Variants in WFDC8 observed in about 807,000 individuals in gnomAD.
WFDC8 encodes WAP four-disulfide core domain protein 8.
A neutral mutation model predicts 27.0 loss-of-function variants in WFDC8; 24 were observed. The ratio of observed to expected loss-of-function variants is 0.89; its 90% CI spans 0.64 to 1.25. The LOEUF is 1.25. Ranked by LOEUF, WFDC8 falls within the 50% of genes most tolerant of loss-of-function variation. The pLI is 0.00. For synonymous variants in WFDC8, 106 were observed against 99.7 expected (o/e 1.06, Z -0.38); for missense variants, 287 against 295.9 (o/e 0.97, Z 0.22).
chr20:45,570,825 G>A (rs1002353910), intron 1 of WFDC8, among the ~76,000 whole-genome samples: 6 of 152,190 alleles, frequency 3.9e-5, no homozygotes, highest in African/African-American at 7.2e-5. Flanking sequence ...ACCTGTTAGC[G>A]TTTGGTATTG....
intron 1 of WFDC8, among the ~76,000 whole-genome samples, chr20:45,566,373 T>G (rs1980676376): frequency 6.6e-6 from 1 of 152,158 alleles, no homozygotes; most frequent in African/African-American, 2.4e-5. Context: ...ATCAATAACA[T>G]ATTGCTAGCC....
intron 5 of WFDC8, among the ~76,000 whole-genome samples, chr20:45,552,678 C>T (rs758661101): frequency 1.3e-5 from 2 of 152,048 alleles, no homozygotes; most frequent in Non-Finnish European, 2.9e-5. Context: ...AAACACCTGC[C>T]TTAGAGGAGG....
intron 1 of WFDC8, among the ~76,000 whole-genome samples, chr20:45,571,079 T>G (rs1980850861): frequency 6.6e-6 from 1 of 152,024 alleles, no homozygotes. Flanking sequence ...TTGAACCTAC[T>G]TTAAAAAAAA....
At chr20:45,560,229 G>A (rs1006802988) in intron 2 of WFDC8, among the ~76,000 whole-genome samples, 1 of 152,170 alleles carries the variant, frequency 6.6e-6, no homozygotes. Context: ...CAAGTGCCAA[G>A]GAATAAGGGT....
intron 1 of WFDC8, 147 bp downstream of exon 1, chr20:45,579,075 A>G (rs770147529): frequency 4.0e-5 from 30 of 752,150 alleles, no homozygotes; most frequent in Non-Finnish European, 6.2e-5. Flanking sequence ...TCCTGACACA[A>G]GACAGCTCTG....
rs1398207487 is a variant in WFDC8 at position 45,562,165 on chromosome 20, C to A, written c.81G>T (p.Leu27=). ...TCCACTCCAAAGCAAGGGAGAGAAG[C>A]AGCAGGAAAGCTACATTCCTCCAGG... is the stretch of plus-strand genomic sequence containing the variant. The part of the protein sequence containing the change: ...TFSWRNVAFL[L]LLSLALEWTS... Residue 27 remains leucine (L), a synonymous_variant, in exon 2 of 6, where the codon CTG becomes CTT. Transcript: ENST00000289953. The A allele has an allele frequency of 5.6e-6, 9 of 1,614,030 alleles. No individual in the cohort carries two copies. The highest frequency in any genetic ancestry group is 6.8e-6 in the Non-Finnish European group (8 of 1,180,024).
At chr20:45,566,286 G>A (rs1219133233) in intron 1 of WFDC8, among the ~76,000 whole-genome samples, 1 of 152,076 alleles carries the variant, frequency 6.6e-6, no homozygotes, top group Non-Finnish European at 1.5e-5. Flanking sequence ...GTTTAATCAA[G>A]CTATTGATTA....
Position 45,552,149 on chromosome 20 carries a change from G to A in WFDC8, c.603C>T (p.Cys201=), listed in dbSNP as rs1255538125. The change falls in exon 6 of 6, where the codon TGC becomes TGT. Residue 201 remains cysteine (C), a synonymous_variant. Transcript: ENST00000289953. The part of the protein sequence containing the change: ...ARAWTVKKGF[C]PRKPLLCTKI... ...TGGTACATAGCAAGGGCTTGCGTGG[G>A]CAGAAACCTTTTTTGACTTTATGGG... The A allele has an allele frequency of 6.2e-7, 1 of 1,613,712 alleles. No individual in the cohort carries two copies. The highest frequency in any genetic ancestry group is 8.5e-7 in the Non-Finnish European group (1 of 1,179,890).
chr20:45,560,401 A>T (rs1197486925), intron 2 of WFDC8, among the ~76,000 whole-genome samples: 1 of 152,210 alleles, frequency 6.6e-6, no homozygotes, highest in Non-Finnish European at 1.5e-5. Flanking sequence ...CGGAGCAAAG[A>T]ACCCAGATGC....
rs554371720 is a variant in WFDC8, at chr20:45,576,868, C to T, written c.26+2354G>A. Among the ~76,000 whole-genome samples, 4 of 151,492 alleles carry T rather than the reference C, an allele frequency of 2.6e-5. 2 individuals carry two copies. The highest frequency in any genetic ancestry group is 1.3e-4 in the Admixed American group (2 of 15,200). ...AAAAATCCAGTCCAGAAATTATTAC[C>T]TATTAATTGACATTTATGGGCACTA... is the stretch of plus-strand genomic sequence containing the variant. On this transcript the variant is annotated intron_variant, in intron 1 of 5. Coordinates refer to ENST00000289953, the MANE Select transcript of WFDC8 (RefSeq NM_130896.3).
intron 1 of WFDC8, chr20:45,567,884 C>T (rs945745281): frequency 3.0e-5 from 5 of 168,934 alleles, no homozygotes; most frequent in Non-Finnish European, 3.9e-5. Context: ...GCAGTGCAGC[C>T]GGGCCATCCT....
chr20:45,561,867 G>A (rs144817030), intron 2 of WFDC8, among the ~76,000 whole-genome samples: 9 of 151,978 alleles, frequency 5.9e-5, no homozygotes, highest in African/African-American at 1.9e-4. Flanking sequence ...ATCCCTAGTA[G>A]ATGCAAACTA....
intron 1 of WFDC8, among the ~76,000 whole-genome samples, chr20:45,567,568 C>T (rs541314333): frequency 6.6e-6 from 1 of 152,300 alleles, no homozygotes; most frequent in East Asian, 1.9e-4. Context: ...GACCTTCTCA[C>T]TAGCGATGAA....
chr20:45,575,649 A>G lies in WFDC8; in HGVS notation c.26+3573T>C, dbSNP rs6104236. On this transcript the variant is annotated intron_variant, in intron 1 of 5. Transcript: ENST00000289953. ...CCAAATAGCAGAGGTTGCACTTTGCAGGAAACTGAGCAGCATTTTGCAATT... is the reference window on the plus strand; with the variant it reads ...CCAAATAGCAGAGGTTGCACTTTGCGGGAAACTGAGCAGCATTTTGCAATT... 6.2e-3 allele frequency among the ~76,000 whole-genome samples: 941 copies of G among 151,362 alleles called. 18 individuals carry two copies. Among genetic ancestry groups the G allele is most frequent in the African/African-American group, 0.022 (893 of 41,456 alleles).
chr20:45,578,428 G>T (rs1251773023), intron 1 of WFDC8, among the ~76,000 whole-genome samples: 4 of 151,434 alleles, frequency 2.6e-5, no homozygotes, highest in African/African-American at 9.7e-5. Flanking sequence ...TGTTCCAAGT[G>T]GGGGCTCTAC....
intron 4 of WFDC8, among the ~76,000 whole-genome samples, chr20:45,554,185 T>G (rs6514008): frequency 0.39 from 58,198 of 150,388 alleles, 11,585 homozygotes; most frequent in Non-Finnish European, 0.43. Context: ...TTTGTTTTTG[T>G]TTTTGGTTTT....
intron 4 of WFDC8, among the ~76,000 whole-genome samples, chr20:45,554,899 C>T (rs1980182277): frequency 6.6e-6 from 1 of 152,208 alleles, no homozygotes; most frequent in South Asian, 2.1e-4. Flanking sequence ...GTACATTTTT[C>T]AGCTTGCCTC....
chr20:45,561,193 T>C (rs781146646), intron 2 of WFDC8, among the ~76,000 whole-genome samples: 27 of 152,226 alleles, frequency 1.8e-4, no homozygotes, highest in Non-Finnish European at 3.1e-4. Context: ...CTACTGGGGA[T>C]GCTTCTCAGA....
In WFDC8 at chr20:45,562,109, C is replaced by T. The variant is rs764948184; in HGVS notation, c.136+1G>A. ...AATGGCTGCAGCTTTTTTGAACTCA[C>T]GTTTGATCTTCTTGGTCAGCATTGC... On this transcript the variant is annotated splice_donor_variant, in intron 2 of 5. Transcript: ENST00000289953. LOFTEE classifies it high-confidence loss of function. The T allele has an allele frequency of 2.4e-5, 39 of 1,613,614 alleles. No individual in the cohort carries two copies. The highest frequency in any genetic ancestry group is 9.3e-5 in the African/African-American group (7 of 74,964).
Sources: allele counts gnomAD v4.1 joint callset (sites outside exome capture counted in the v4.1 genomes callset), GRCh38; gene constraint gnomAD v4.1.1; transcripts MANE v1.5; gene names NCBI Gene and HGNC (gene_info 2026-07-23, HGNC 2026-07-21).